The following CSMD3 variants were observed in gnomAD, a reference collection of about 807,000 sequenced individuals.
CSMD3 encodes the protein CUB and sushi domain-containing protein 3.
CSMD3 carries 177 observed loss-of-function variants against 435.2 expected under a neutral mutation model. The observed-to-expected ratio is 0.41, with a 90% CI of 0.36 to 0.46. CSMD3 has a LOEUF of 0.46. CSMD3 is among the 20% of genes least tolerant of loss of function. The pLI, the probability that CSMD3 is intolerant of heterozygous loss-of-function variation, is 0.34. For missense variants in CSMD3, 4,265 were observed against 4,504.6 expected, an observed-to-expected ratio of 0.95 and a Z score of 1.52; for synonymous variants, 1,656 against 1,520.5, an observed-to-expected ratio of 1.09 and a Z score of -2.07.
intron 10 of CSMD3, among the ~76,000 whole-genome samples, chr8:112,867,080 T>C (rs981919259): frequency 6.6e-6 from 1 of 152,078 alleles, no homozygotes; most frequent in Non-Finnish European, 1.5e-5. Flanking sequence ...TGGATAAATG[T>C]TGGTACCTAA....
intron 4 of CSMD3, among the ~76,000 whole-genome samples, chr8:113,159,889 A>C (rs2092005991): frequency 6.6e-6 from 1 of 151,932 alleles, no homozygotes; most frequent in South Asian, 2.1e-4. Context: ...AATGATGAAA[A>C]AACAATGGAA....
At chr8:112,685,351 A>G in intron 15 of CSMD3, 55 bp downstream of exon 15, 1 of 1,452,434 alleles carries the variant, frequency 6.9e-7, no homozygotes, top group Non-Finnish European at 9.5e-7. Flanking sequence ...ATCACTTTTC[A>G]ACTCAAATTT....
At chr8:112,913,448 C>A (rs192138849) in intron 10 of CSMD3, among the ~76,000 whole-genome samples, 3 of 151,990 alleles carry the variant, frequency 2.0e-5, no homozygotes, top group Admixed American at 2.0e-4. Flanking sequence ...TCCTTACAGT[C>A]CACAGACCAC....
chr8:112,718,515 G>GTATA (rs35810260), intron 13 of CSMD3, among the ~76,000 whole-genome samples: 1,585 of 140,436 alleles, frequency 0.011, 26 homozygotes, highest in African/African-American at 0.037. Context: ...GTATATATAT[G>GTATA]TATATATATA....
chr8:112,970,729 T>C (rs1367688719), intron 7 of CSMD3, among the ~76,000 whole-genome samples: 4 of 151,186 alleles, frequency 2.6e-5, no homozygotes, highest in Non-Finnish European at 3.0e-5. Flanking sequence ...TCTTTTCTTT[T>C]TTTTTTTTTT....
At chr8:112,494,445 TTTTG>T (rs1282429641) in intron 30 of CSMD3, among the ~76,000 whole-genome samples, 2 of 151,052 alleles carry the variant, frequency 1.3e-5, no homozygotes, top group Non-Finnish European at 3.0e-5. Flanking sequence ...CTTTGTTTTC[TTTTG>T]TTTCTTTCTC....
intron 35 of CSMD3, among the ~76,000 whole-genome samples, 191 bp from the exon 36 acceptor site, chr8:112,390,979 C>A (rs1442625499): frequency 6.6e-6 from 1 of 152,120 alleles, no homozygotes; most frequent in Non-Finnish European, 1.5e-5. Context: ...AATTAGACAG[C>A]ATTAATGGAT....
chr8:113,307,484 T>G (rs893750338), intron 2 of CSMD3, among the ~76,000 whole-genome samples: 1 of 152,114 alleles, frequency 6.6e-6, no homozygotes, highest in Admixed American at 6.5e-5. Context: ...AAATATTTAT[T>G]GTACTACCAG....
rs1321403647 is a variant in CSMD3 at position 112,289,487 on chromosome 8, T to C, written c.9026A>G (p.Glu3009Gly). 1.2e-6 allele frequency: 2 copies of C among 1,613,010 alleles called. No homozygotes were observed. The highest frequency in any genetic ancestry group is 1.3e-5 in the African/African-American group (1 of 74,898). The change falls in exon 57 of 71, where the codon GAG (glutamate) becomes GGG (glycine). Residue 3009 changes from glutamate to glycine, a missense_variant. Around this residue, in one of 3 missense-constraint regions of CSMD3, gnomAD observed 3,255 missense variants for 3,380.2 expected, o/e 0.96. Coordinates refer to ENST00000297405, the MANE Select transcript of CSMD3 (RefSeq NM_198123.2). ...AACAGTAGACCCAAAAGTATACTTC[T>C]CGCCAGACAGGACTGCATTAGGAGG... Reference protein sequence around the residue: ...GVPPNAVLSGEKYTFGSTVHY... With the variant: ...GVPPNAVLSGGKYTFGSTVHY...
At chr8:112,606,942 T>A (rs1281753756) in intron 22 of CSMD3, among the ~76,000 whole-genome samples, 2 of 26,454 alleles carry the variant, frequency 7.6e-5, no homozygotes, top group Admixed American at 5.0e-4. Flanking sequence ...AGATCTCAAA[T>A]AAACAATCCA....
chr8:112,551,725 G>C (rs750937275), intron 26 of CSMD3, among the ~76,000 whole-genome samples: 24 of 152,168 alleles, frequency 1.6e-4, no homozygotes, highest in South Asian at 1.0e-3. Context: ...CCTTGCAAAA[G>C]TAATGTACCA....
intron 3 of CSMD3, among the ~76,000 whole-genome samples, chr8:113,193,779 C>A (rs894392757): frequency 4.0e-5 from 6 of 151,312 alleles, no homozygotes; most frequent in Non-Finnish European, 8.9e-5. Flanking sequence ...GACTTTAAAA[C>A]CTCTATGTAA....
intron 9 of CSMD3, among the ~76,000 whole-genome samples, chr8:112,940,737 G>T (rs567251643): frequency 6.6e-6 from 1 of 151,754 alleles, no homozygotes; most frequent in South Asian, 2.1e-4. Flanking sequence ...CTTCTCCAAG[G>T]ATTTTCTCAT....
At chr8:112,240,072 T>C (rs1283199386) in intron 66 of CSMD3, among the ~76,000 whole-genome samples, 1 of 152,050 alleles carries the variant, frequency 6.6e-6, no homozygotes, top group Admixed American at 6.6e-5. Flanking sequence ...AATAACTACA[T>C]TCTAATATAT....
intron 6 of CSMD3, among the ~76,000 whole-genome samples, chr8:112,977,769 T>C (rs1405977590): frequency 6.6e-6 from 1 of 152,100 alleles, no homozygotes; most frequent in Non-Finnish European, 1.5e-5. Flanking sequence ...TCAGATAGCT[T>C]CTATTGAATA....
chr8:112,816,049 A>T (rs2079366025), intron 12 of CSMD3, among the ~76,000 whole-genome samples: 1 of 152,110 alleles, frequency 6.6e-6, no homozygotes. Flanking sequence ...TGAGTGCTAA[A>T]ATCCCTAGGT....
chr8:112,668,625 T>C (rs1463995880), intron 16 of CSMD3, among the ~76,000 whole-genome samples: 17 of 152,088 alleles, frequency 1.1e-4, no homozygotes, highest in Admixed American at 1.0e-3. Flanking sequence ...AATGACTCTC[T>C]GGTATAGTGA....
At chr8:112,421,269 G>T (rs1439190911) in intron 32 of CSMD3, among the ~76,000 whole-genome samples, 1 of 151,898 alleles carries the variant, frequency 6.6e-6, no homozygotes, top group Middle Eastern at 3.4e-3. Context: ...TAGGCTGGGC[G>T]CAGTGATTCA....
chr8:113,399,850 G>A (rs61249889), intron 1 of CSMD3, among the ~76,000 whole-genome samples: 38,260 of 151,398 alleles, frequency 0.25, 5,563 homozygotes, highest in East Asian at 0.46. Flanking sequence ...TTAAAATTAA[G>A]GATTCATATT....
Sources: gnomAD v4.1 joint callset for allele counts (sites outside exome capture counted in the v4.1 genomes callset) on GRCh38, gnomAD v4.1.1 for gene constraint, gnomAD v4.1.1 regional missense constraint, MANE v1.5 for transcripts, NCBI Gene and HGNC (gene_info 2026-07-23, HGNC 2026-07-21) for gene names.